The following CFTR variants were observed in gnomAD, a reference collection of about 807,000 sequenced individuals.
The protein encoded by CFTR is cystic fibrosis transmembrane conductance regulator.
Under a neutral mutation model 171.6 loss-of-function variants are expected in CFTR, and 181 were observed. The ratio of observed to expected loss-of-function variants is 1.05; its 90% CI spans 0.93 to 1.19. The LOEUF (loss-of-function observed/expected upper bound fraction) is 1.19. CFTR is among the 50% of genes most tolerant of loss of function. CFTR has a pLI of 0.00. For synonymous variants in CFTR, 583 were observed against 608.0 expected, an observed-to-expected ratio of 0.96 and a Z score of 0.60; for missense variants, 1,968 against 1,734.7, an observed-to-expected ratio of 1.13 and a Z score of -2.39.
At chr7:117,512,591 A>C (rs1489186843) in intron 3 of CFTR, among the ~76,000 whole-genome samples, 1 of 139,260 alleles carries the variant, frequency 7.2e-6, no homozygotes, top group East Asian at 2.3e-4. Context: ...CTGAGATCGC[A>C]CCACTGCACT....
chr7:117,550,329 C>CA (rs374964774), intron 10 of CFTR, among the ~76,000 whole-genome samples: 4,582 of 135,184 alleles, frequency 0.034, 168 homozygotes, highest in African/African-American at 0.1. Context: ...GTGATAGGCT[C>CA]AAAAAAAAAA....
chr7:117,661,813 A>G (rs1201604323), intron 24 of CFTR, among the ~76,000 whole-genome samples: 2 of 152,096 alleles, frequency 1.3e-5, no homozygotes. Flanking sequence ...ACCCTTTGAC[A>G]TCAATATTAT....
chr7:117,557,008 G>A (rs547692142), intron 10 of CFTR, among the ~76,000 whole-genome samples: 3 of 151,292 alleles, frequency 2.0e-5, no homozygotes, highest in Admixed American at 6.6e-5. Context: ...ATTTTTCTTC[G>A]CTTTTTTGTT....
intron 1 of CFTR, among the ~76,000 whole-genome samples, chr7:117,502,523 A>G (rs1348888161): frequency 6.6e-6 from 1 of 152,230 alleles, no homozygotes. Flanking sequence ...TATATCATAA[A>G]TTGCTGTCCC....
At chr7:117,649,048 A>G (rs1793039615) in intron 23 of CFTR, among the ~76,000 whole-genome samples, 1 of 152,050 alleles carries the variant, frequency 6.6e-6, no homozygotes. Flanking sequence ...TTCTTTCTTC[A>G]TAATGTTGAA....
At chr7:117,665,383 A>G (rs1793356647) in intron 25 of CFTR, 76 bp from the exon 26 acceptor site, 4 of 858,076 alleles carry the variant, frequency 4.7e-6, no homozygotes, top group South Asian at 1.4e-5. Flanking sequence ...TAATAGAACA[A>G]TAGACATATT....
At chr7:117,480,534 A>G (rs1400466984) in intron 1 of CFTR, among the ~76,000 whole-genome samples, 1 of 152,208 alleles carries the variant, frequency 6.6e-6, no homozygotes, top group Non-Finnish European at 1.5e-5. Flanking sequence ...TGGCACATAC[A>G]GGTGCCATGC....
intron 1 of CFTR, among the ~76,000 whole-genome samples, chr7:117,483,252 T>G (rs1460709940): frequency 6.6e-6 from 1 of 152,222 alleles, no homozygotes; most frequent in African/African-American, 2.4e-5. Context: ...CAAAATAATT[T>G]TGGGTCTCTT....
rs577907749 is a variant in CFTR at position 117,582,891 on chromosome 7, C to T, written c.1585-4848C>T. On this transcript the variant is annotated intron_variant, in intron 11 of 26. Transcript: ENST00000003084. ...TGGTCTTTGGAGGAATTTGATATTC[C>T]ATTCGATCTGAGTGTGCAAAGCCTG... Among the ~76,000 whole-genome samples the T allele has an allele frequency of 4.6e-5, 7 of 152,162 alleles. No individual in the cohort carries two copies. The South Asian group carries it at 1.5e-3, about 32-fold the overall frequency.
rs547442588 is a variant in CFTR at position 117,614,719 on chromosome 7, T to C, written c.3468+6T>C. ...GCATAGATGTGGATAGCTTGGTAAG[T>C]CTTATCATCTTTTTAACTTTTATGA... On this transcript the variant is annotated splice_donor_region_variant and intron_variant, in intron 21 of 26. Transcript: ENST00000003084. 4.3e-5 allele frequency: 69 copies of C among 1,590,640 alleles called. 1 individual carries two copies. In the South Asian group the frequency reaches 7.0e-4, roughly 16 times the overall value.
chr7:117,553,169 C>A (rs977431249), intron 10 of CFTR, among the ~76,000 whole-genome samples: 3 of 151,946 alleles, frequency 2.0e-5, no homozygotes, highest in African/African-American at 7.3e-5. Context: ...AAATAAATTC[C>A]TGTTGTTTAT....
intron 23 of CFTR, among the ~76,000 whole-genome samples, chr7:117,649,238 G>A (rs527795630): frequency 1.9e-4 from 28 of 150,898 alleles, no homozygotes; most frequent in Non-Finnish European, 3.7e-4. Context: ...TTGTGATACT[G>A]ATAAATATTT....
intron 1 of CFTR, among the ~76,000 whole-genome samples, chr7:117,498,291 A>C (rs932483399): frequency 6.6e-6 from 1 of 152,150 alleles, no homozygotes; most frequent in African/African-American, 2.4e-5. Context: ...AATTAACTCA[A>C]ATATACACAA....
At chr7:117,664,552 A>T in intron 24 of CFTR, 136 bp from the exon 25 acceptor site, 1 of 775,264 alleles carries the variant, frequency 1.3e-6, no homozygotes, top group South Asian at 1.5e-5. Flanking sequence ...ATCAATTCAA[A>T]TGGTGGCAGG....
At chr7:117,564,332 G>A (rs1026028036) in intron 11 of CFTR, among the ~76,000 whole-genome samples, 2 of 152,140 alleles carry the variant, frequency 1.3e-5, no homozygotes, top group African/African-American at 4.8e-5. Flanking sequence ...AATCAAAAGT[G>A]TCCCCTATTT....
At chr7:117,659,275 C>G (rs1793227963) in intron 24 of CFTR, among the ~76,000 whole-genome samples, 1 of 152,170 alleles carries the variant, frequency 6.6e-6, no homozygotes, top group Non-Finnish European at 1.5e-5. Context: ...AACTCCACCC[C>G]TTTCATAGCA....
chr7:117,582,310 A>G (rs1298693608), intron 11 of CFTR, among the ~76,000 whole-genome samples: 1 of 152,124 alleles, frequency 6.6e-6, no homozygotes, highest in African/African-American at 2.4e-5. Flanking sequence ...ATCCAATTCA[A>G]TATTCCAGCT....
At chr7:117,588,719 G>GT in intron 12 of CFTR, among the ~76,000 whole-genome samples, 1 of 152,242 alleles carries the variant, frequency 6.6e-6, no homozygotes, top group East Asian at 1.9e-4. Context: ...GCTCTGCAAA[G>GT]TAAGAATTGT....
Position 117,666,930 on chromosome 7 carries a change from G to A in CFTR, c.4265G>A (p.Arg1422Gln), listed in dbSNP as rs780785939. Reference sequence around the variant, plus strand: ...TAGGTCATAGAAGAGAACAAAGTGCGGCAGTACGATTCCATCCAGAAACTG... The same window carrying A: ...TAGGTCATAGAAGAGAACAAAGTGCAGCAGTACGATTCCATCCAGAAACTG... The part of the protein sequence containing the change: ...QFLVIEENKV[R>Q]QYDSIQKLLN... Residue 1422 changes from arginine to glutamine, a missense_variant, in exon 27 of 27, where the codon CGG (arginine) becomes CAG (glutamine). Arg to Gln is a conservative substitution (Grantham distance 43). Coordinates refer to ENST00000003084, the MANE Select transcript of CFTR (RefSeq NM_000492.4). 20 of 1,614,002 alleles carry A rather than the reference G, an allele frequency of 1.2e-5. No individual in the cohort carries two copies. Among genetic ancestry groups the A allele is most frequent in the Admixed American group, 1.7e-5 (1 of 59,974 alleles).
Sources: gnomAD v4.1 joint callset for allele counts (sites outside exome capture counted in the v4.1 genomes callset) on GRCh38, gnomAD v4.1.1 for gene constraint, MANE v1.5 for transcripts, NCBI Gene and HGNC (gene_info 2026-07-23, HGNC 2026-07-21) for gene names.